The following HNMT variants were observed in gnomAD, a reference collection of about 807,000 sequenced individuals.
HNMT encodes histamine N-methyltransferase.
Under a neutral mutation model 32.1 loss-of-function variants are expected in HNMT, and 30 were observed. The ratio of observed to expected loss-of-function variants is 0.93; its 90% confidence interval spans 0.70 to 1.27. HNMT has a LOEUF of 1.27. Ranked by LOEUF, HNMT falls within the 50% of genes most tolerant of loss-of-function variation. HNMT has a pLI of 0.00. For missense variants in HNMT, 327 were observed against 346.0 expected (o/e 0.95, Z 0.43); for synonymous variants, 125 against 119.0 (o/e 1.05, Z -0.33).
intron 5 of HNMT, among the ~76,000 whole-genome samples, chr2:138,009,510 G>A (rs998335824): frequency 6.6e-6 from 1 of 151,982 alleles, no homozygotes; most frequent in Non-Finnish European, 1.5e-5. Context: ...CCCCCTCAGT[G>A]TATGATGAGG....
chr2:137,990,524 C>T (rs1680786778), intron 2 of HNMT, among the ~76,000 whole-genome samples: 1 of 152,056 alleles, frequency 6.6e-6, no homozygotes, highest in African/African-American at 2.4e-5. Context: ...AGTGTCGGTT[C>T]TCCAACTTTA....
At chr2:138,005,837 A>G (rs1025361925) in intron 5 of HNMT, among the ~76,000 whole-genome samples, 2 of 152,044 alleles carry the variant, frequency 1.3e-5, no homozygotes, top group African/African-American at 2.4e-5. Flanking sequence ...TTAGATAATG[A>G]AACATTGACA....
chr2:137,973,309 C>T (rs1680189552), intron 2 of HNMT, among the ~76,000 whole-genome samples: 1 of 152,074 alleles, frequency 6.6e-6, no homozygotes, highest in East Asian at 1.9e-4. Context: ...TATCTAATCA[C>T]CTATTATGGC....
At chr2:138,012,791 A>G (rs1378320) in intron 5 of HNMT, among the ~76,000 whole-genome samples, 32,213 of 151,778 alleles carry the variant, frequency 0.21, 3,679 homozygotes, top group South Asian at 0.3. Flanking sequence ...TTTTACCCAT[A>G]TCCTACATCC....
chr2:137,971,121 C>T (rs1680122981), intron 2 of HNMT, among the ~76,000 whole-genome samples: 1 of 151,952 alleles, frequency 6.6e-6, no homozygotes, highest in Non-Finnish European at 1.5e-5. Context: ...TGTTCCCTTC[C>T]TCTTACTCAG....
chr2:137,981,654 A>G (rs988960488), intron 2 of HNMT: 1 of 445,674 alleles, frequency 2.2e-6, no homozygotes, highest in South Asian at 3.6e-5. Context: ...AGTAATTACT[A>G]TATATCATGA....
chr2:137,981,247 C>T, intron 2 of HNMT: 1 of 1,613,606 alleles, frequency 6.2e-7, no homozygotes, highest in Non-Finnish European at 8.5e-7. Flanking sequence ...CCAGGGTTCT[C>T]AAGCGGAATT....
chr2:137,973,643 C>G (rs1249829632), intron 2 of HNMT, among the ~76,000 whole-genome samples: 1 of 152,136 alleles, frequency 6.6e-6, no homozygotes, highest in African/African-American at 2.4e-5. Flanking sequence ...GGCTTTGGTG[C>G]AAATATTCTC....
At chr2:138,002,270 C>T (rs966197759) in intron 4 of HNMT, 76 bp downstream of exon 4, 1 of 1,127,664 alleles carries the variant, frequency 8.9e-7, no homozygotes, top group Non-Finnish European at 1.2e-6. Flanking sequence ...ATCTACTATT[C>T]TAATTTTTAA....
intron 2 of HNMT, among the ~76,000 whole-genome samples, chr2:137,970,944 AG>A (rs1558951063): frequency 3.7e-5 from 1 of 27,072 alleles, no homozygotes; most frequent in African/African-American, 1.6e-4. Context: ...AAAGAAAGAA[AG>A]AAAGAAAGAA....
chr2:137,974,441 G>A (rs1680226335), intron 2 of HNMT, among the ~76,000 whole-genome samples: 1 of 152,050 alleles, frequency 6.6e-6, no homozygotes, highest in Non-Finnish European at 1.5e-5. Context: ...TCTAATGAGT[G>A]TTGTCTTCAT....
chr2:137,974,170 C>G (rs1680217606), intron 2 of HNMT, among the ~76,000 whole-genome samples: 1 of 152,080 alleles, frequency 6.6e-6, no homozygotes, highest in Admixed American at 6.5e-5. Flanking sequence ...GTAGCTTTTA[C>G]AGAGACCAAA....
Position 138,002,204 on chromosome 2 carries a change from A to G in HNMT, c.429+10A>G. On this transcript the variant is annotated intron_variant, in intron 4 of 5. Transcript: ENST00000280097. The stretch of plus-strand genomic sequence containing the variant: ...TATTCATATGATTCAAGTAAGAAAT[A>G]TGTATTATAATATATACTCAGAAAG... 6.7e-7 allele frequency: 1 copy of G among 1,490,264 alleles called. No individual in the cohort carries two copies. The highest frequency in any genetic ancestry group is 1.3e-5 in the South Asian group (1 of 79,744). 92.3% of individuals were successfully genotyped at this position (1,490,264 alleles called of 1,614,324 possible). A position where few individuals can be genotyped will look rare whatever the true frequency, so the allele number is the denominator to read the frequency against.
intron 1 of HNMT, among the ~76,000 whole-genome samples, chr2:137,969,140 G>A (rs755380113): frequency 5.3e-5 from 8 of 151,994 alleles, no homozygotes; most frequent in Admixed American, 2.0e-4. Context: ...CCATGACGAC[G>A]GGCTTTCTCT....
At chr2:138,008,698 G>A (rs181820926) in intron 5 of HNMT, among the ~76,000 whole-genome samples, 1 of 152,122 alleles carries the variant, frequency 6.6e-6, no homozygotes, top group East Asian at 1.9e-4. Context: ...TTCAATAAAT[G>A]GTGGTGGGAT....
chr2:138,005,292 T>G, intron 5 of HNMT, 67 bp downstream of exon 5: 1 of 870,418 alleles, frequency 1.1e-6, no homozygotes, highest in Non-Finnish European at 1.9e-6. Flanking sequence ...GATTCCTGTG[T>G]TTGAAAGAAG....
intron 1 of HNMT, among the ~76,000 whole-genome samples, chr2:137,966,558 G>A (rs1251188713): frequency 2.6e-5 from 4 of 151,962 alleles, no homozygotes; most frequent in African/African-American, 7.3e-5. Context: ...CAATATATTC[G>A]ACTATGCTTA....
At chr2:138,007,172 C>T (rs1362907038) in intron 5 of HNMT, among the ~76,000 whole-genome samples, 2 of 151,932 alleles carry the variant, frequency 1.3e-5, no homozygotes, top group Non-Finnish European at 2.9e-5. Flanking sequence ...ACAGCTATAG[C>T]CATCTATTTC....
chr2:137,976,334 T>C (rs1041630763), intron 2 of HNMT, among the ~76,000 whole-genome samples: 2 of 149,502 alleles, frequency 1.3e-5, no homozygotes, highest in African/African-American at 4.9e-5. Flanking sequence ...CCTTGGGAGA[T>C]AAAAAGTCAT....
Sources: gnomAD v4.1 joint callset for allele counts (sites outside exome capture counted in the v4.1 genomes callset) on GRCh38, gnomAD v4.1.1 for gene constraint, MANE v1.5 for transcripts, NCBI Gene and HGNC (gene_info 2026-07-23, HGNC 2026-07-21) for gene names.